HAPLN3: variants seen among roughly 807,000 people sequenced by gnomAD.
The protein encoded by HAPLN3 is hyaluronan and proteoglycan link protein 3.
HAPLN3 carries 28 observed loss-of-function variants against 28.1 expected under a neutral mutation model. The ratio of observed to expected loss-of-function variants is 1.00; its 90% CI spans 0.74 to 1.37. The LOEUF (loss-of-function observed/expected upper bound fraction) is 1.37, where lower values mean the gene tolerates loss of function less well. Ranked by LOEUF, HAPLN3 falls within the 40% of genes most tolerant of loss-of-function variation. The pLI is 0.00. For synonymous variants in HAPLN3, 211 were observed against 213.1 expected (o/e 0.99, Z 0.09); for missense variants, 513 against 504.6 (o/e 1.02, Z -0.16).
At chr15:88,887,485 G>A (rs1016755661) in intron 1 of HAPLN3, 140 bp from the exon 2 acceptor site, 47 of 772,608 alleles carry the variant, frequency 6.1e-5, no homozygotes, top group Middle Eastern at 7.5e-4. Flanking sequence ...CGCTGTTCCC[G>A]GAGCTGAGAA....
At chr15:88,886,751 G>A (rs1897867236) in intron 2 of HAPLN3, among the ~76,000 whole-genome samples, 1 of 152,164 alleles carries the variant, frequency 6.6e-6, no homozygotes. Context: ...CTTGAACCCG[G>A]GAGGCAGAGG....
In HAPLN3 at chr15:88,881,770, C is replaced by G; in HGVS notation, c.125-45G>C. ...GCAGATGAGACCTGCTGAAGCACAT[C>G]TGTACCCCTGCAAGGGCCACCGCAC... On this transcript the variant is annotated intron_variant, in intron 2 of 4. Coordinates refer to ENST00000359595, the MANE Select transcript of HAPLN3 (RefSeq NM_178232.4). The surrounding 1 kb of genome is among the most constrained non-coding windows in gnomAD (Gnocchi z 6.0). 1 of 1,561,604 alleles carries G rather than the reference C, an allele frequency of 6.4e-7. No individual in the cohort carries two copies. The highest frequency in any genetic ancestry group is 8.7e-7 in the Non-Finnish European group (1 of 1,151,444).
At position 88,881,755 on chromosome 15, in the gene HAPLN3, C is replaced by T; in HGVS notation, c.125-30G>A. 1 of 1,581,264 alleles carries T rather than the reference C, an allele frequency of 6.3e-7. No homozygotes were observed. The highest frequency in any genetic ancestry group is 1.8e-4 in the Middle Eastern group (1 of 5,440). On this transcript the variant is annotated intron_variant, in intron 2 of 4. Transcript: ENST00000359595. This position sits in a 1 kb window ranked among gnomAD's most constrained non-coding sequence, Gnocchi z 6.0. ...GGGGAGAGACAGGGTGCAGATGAGA[C>T]CTGCTGAAGCACATCTGTACCCCTG... is the stretch of plus-strand genomic sequence containing the variant.
chr15:88,880,555 A>G lies in HAPLN3; in HGVS notation c.493+802T>C. The G allele has an allele frequency of 7.8e-7, 1 of 1,288,532 alleles. No homozygotes were observed. The highest frequency in any genetic ancestry group is 1.2e-5 in the South Asian group (1 of 80,976). 79.8% of individuals were successfully genotyped at this position (1,288,532 alleles called of 1,614,324 possible). A position where few individuals can be genotyped will look rare whatever the true frequency, so the allele number is the denominator to read the frequency against. ...GGCTAAAGTCAGGTCACCTTCCTCT[A>G]TCCCCGAACTGCCTCCCTAACATGT... On this transcript the variant is annotated intron_variant, in intron 3 of 4. Transcript: ENST00000359595. The surrounding 1 kb of genome is among the most constrained non-coding windows in gnomAD (Gnocchi z 6.0).
Position 88,879,553 on chromosome 15 carries a change from G to A in HAPLN3, c.494-284C>T, listed in dbSNP as rs911274655. On this transcript the variant is annotated intron_variant, in intron 3 of 4. Transcript: ENST00000359595. The surrounding 1 kb of genome is among the most constrained non-coding windows in gnomAD (Gnocchi z 5.0). ...CCCCAACCTAATCCGCAAGGCTGTCGCCAGACCCCCAGTGAGGCTGTGCCA... is the reference window on the plus strand; with the variant it reads ...CCCCAACCTAATCCGCAAGGCTGTCACCAGACCCCCAGTGAGGCTGTGCCA... 1.5e-5 allele frequency: 21 copies of A among 1,421,644 alleles called. No homozygotes were observed. The East Asian group carries it at 4.9e-4, about 33-fold the overall frequency. The allele number at this position is 1,421,644 out of a possible 1,614,324, so 88.1% of individuals were successfully genotyped here. A position where few individuals can be genotyped will look rare whatever the true frequency, so the allele number is the denominator to read the frequency against.
At position 88,878,366 on chromosome 15, in the gene HAPLN3, C is replaced by CA. The variant is rs1323022740; in HGVS notation, c.797-111dup. 9.0e-6 allele frequency: 9 copies of CA among 995,210 alleles called. No individual in the cohort carries two copies. The East Asian group carries it at 2.2e-4, about 24-fold the overall frequency. The allele number at this position is 995,210 out of a possible 1,614,324, so 61.6% of individuals were successfully genotyped here. Reference sequence around the variant, plus strand: ...GACCCGTCTGAGCCCAGGGAGCTACCATACTGCAGGCATCTGCAGAGAACA... The same window carrying CA: ...GACCCGTCTGAGCCCAGGGAGCTACCAATACTGCAGGCATCTGCAGAGAACA... On this transcript the variant is annotated intron_variant, in intron 4 of 4. Transcript: ENST00000359595.
rs545619979 is a variant in HAPLN3 at position 88,877,836 on chromosome 15, T to TA, written c.*133dup. ...GTTCTGTTTGCTTTACAAAAAATAG[T>TA]AAAAAAATGTTTAAAGAAAATTTAA... is the stretch of plus-strand genomic sequence containing the variant. On this transcript the variant is annotated 3_prime_UTR_variant, in exon 5 of 5. Coordinates refer to ENST00000359595, the MANE Select transcript of HAPLN3 (RefSeq NM_178232.4). This position sits in a 1 kb window ranked among gnomAD's most constrained non-coding sequence, Gnocchi z 5.1. 1.8e-5 allele frequency: 17 copies of TA among 927,056 alleles called. No homozygotes were observed. Among genetic ancestry groups the TA allele is most frequent in the East Asian group, 5.4e-5 (2 of 36,852 alleles). The allele number at this position is 927,056 out of a possible 1,614,324, so 57.4% of individuals were successfully genotyped here. A position where few individuals can be genotyped will look rare whatever the true frequency, so the allele number is the denominator to read the frequency against.
intron 2 of HAPLN3, among the ~76,000 whole-genome samples, chr15:88,886,801 G>A (rs909449666): frequency 2.0e-5 from 3 of 152,170 alleles, no homozygotes; most frequent in Admixed American, 6.5e-5. Context: ...CTCCAGCCTC[G>A]GCAACAGAGT....
rs746814116 is a variant in HAPLN3, at chr15:88,878,178, G to A, written c.875C>T (p.Thr292Met). 1.6e-5 allele frequency: 26 copies of A among 1,614,056 alleles called. No individual in the cohort carries two copies. The highest frequency in any genetic ancestry group is 1.3e-4 in the African/African-American group (10 of 74,940). ...AAAGAGCTGTCCCACCTTGGCGATCGTGGCATCATCTTCCTGGCAGGCCTC... is the reference window on the plus strand; with the variant it reads ...AAAGAGCTGTCCCACCTTGGCGATCATGGCATCATCTTCCTGGCAGGCCTC... ...AREACQEDDA[T>M]IAKVGQLFAA... The change falls in exon 5 of 5, where the codon ACG becomes ATG. Residue 292 changes from threonine (T) to methionine (M), a missense_variant. Coordinates refer to ENST00000359595, the MANE Select transcript of HAPLN3 (RefSeq NM_178232.4).
intron 1 of HAPLN3, chr15:88,893,038 T>A: frequency 7.0e-7 from 1 of 1,424,962 alleles, no homozygotes; most frequent in Non-Finnish European, 9.5e-7. Flanking sequence ...CTGGGCTCGG[T>A]ATTGGAGCTG....
intron 1 of HAPLN3, among the ~76,000 whole-genome samples, chr15:88,894,425 A>G (rs994737865): frequency 3.3e-5 from 5 of 152,130 alleles, no homozygotes; most frequent in African/African-American, 1.2e-4. Context: ...TTCCGTGAGT[A>G]CAAGTCCCCC....
rs543137166 is a variant in HAPLN3 at position 88,895,080 on chromosome 15, G to A, written c.-48+379C>T. ...ACCCAGGGGCAGGGCCTGGGGCGCC[G>A]CGGACGGCACTGGAGGCAGCCGACC... On this transcript the variant is annotated intron_variant, in intron 1 of 4. Transcript: ENST00000359595. This position sits in a 1 kb window ranked among gnomAD's most constrained non-coding sequence, Gnocchi z 5.5. Among the ~76,000 whole-genome samples, 3 of 152,338 alleles carry A rather than the reference G, an allele frequency of 2.0e-5. No individual in the cohort carries two copies. The highest frequency in any genetic ancestry group is 2.1e-4 in the South Asian group (1 of 4,830).
At position 88,877,650 on chromosome 15, in the gene HAPLN3, T is replaced by C. The variant is rs1897563389; in HGVS notation, c.*320A>G. 4 of 276,026 alleles carry C rather than the reference T, an allele frequency of 1.4e-5. No individual in the cohort carries two copies. The highest frequency in any genetic ancestry group is 2.7e-5 in the Non-Finnish European group (4 of 147,248). The allele number at this position is 276,026 out of a possible 1,614,324, so 17.1% of individuals were successfully genotyped here. A position where few individuals can be genotyped will look rare whatever the true frequency, so the allele number is the denominator to read the frequency against. ...ACCATGCCCGGACTCCCGGCGGCAT[T>C]CTAGACAGGCCACCGCCCACTCTGG... On this transcript the variant is annotated 3_prime_UTR_variant, in exon 5 of 5. Coordinates refer to ENST00000359595, the MANE Select transcript of HAPLN3 (RefSeq NM_178232.4). The surrounding 1 kb of genome is among the most constrained non-coding windows in gnomAD (Gnocchi z 5.1).
At chr15:88,883,652 A>T (rs1321427859) in intron 2 of HAPLN3, among the ~76,000 whole-genome samples, 2 of 152,270 alleles carry the variant, frequency 1.3e-5, no homozygotes, top group Non-Finnish European at 2.9e-5. Flanking sequence ...GCCATGTAAA[A>T]TAATCTGGTA....
Position 88,878,184 on chromosome 15 carries a change from T to C in HAPLN3, c.869A>G (p.Asp290Gly). The part of the protein sequence containing the change: ...TEAREACQED[D>G]ATIAKVGQLF... ...CTGTCCCACCTTGGCGATCGTGGCATCATCTTCCTGGCAGGCCTCCCTTGC... is the reference window on the plus strand; with the variant it reads ...CTGTCCCACCTTGGCGATCGTGGCACCATCTTCCTGGCAGGCCTCCCTTGC... Residue 290 changes from aspartate to glycine, a missense_variant, in exon 5 of 5, where the codon GAT becomes GGT. Coordinates refer to ENST00000359595, the MANE Select transcript of HAPLN3 (RefSeq NM_178232.4). The C allele has an allele frequency of 6.2e-7, 1 of 1,614,168 alleles. No individual in the cohort carries two copies. Among genetic ancestry groups the C allele is most frequent in the Non-Finnish European group, 8.5e-7 (1 of 1,180,014 alleles).
chr15:88,881,710 AC>A lies in HAPLN3; in HGVS notation c.139del (p.Val47Ter). 1 of 1,611,498 alleles carries A rather than the reference AC, an allele frequency of 6.2e-7. No homozygotes were observed. The highest frequency in any genetic ancestry group is 8.5e-7 in the Non-Finnish European group (1 of 1,178,938). On this transcript the variant is annotated frameshift_variant, in exon 3 of 5. Coordinates refer to ENST00000359595, the MANE Select transcript of HAPLN3 (RefSeq NM_178232.4). LOFTEE classifies it high-confidence loss of function. The surrounding 1 kb of genome is among the most constrained non-coding windows in gnomAD (Gnocchi z 6.0). ...CTCGGGTGTCTCCACCACCAGCTTC[AC>A]TCCATTAAGGAGGTCTTGGGGGAGA... Reference protein sequence around the residue: ...NGHGKDLLNGVKLVVETPEET... With the variant: ...NGHGKDLLNGXKLVVETPEET...
In HAPLN3 at chr15:88,879,814, T is replaced by A. The variant is rs953203478; in HGVS notation, c.494-545A>T. Reference sequence around the variant, plus strand: ...TAAAGGAGGCTCAAGGGCAGGGAGGTCTGGGGCAGGCGGTTTCTCTCCTTG... The same window carrying A: ...TAAAGGAGGCTCAAGGGCAGGGAGGACTGGGGCAGGCGGTTTCTCTCCTTG... On this transcript the variant is annotated intron_variant, in intron 3 of 4. Coordinates refer to ENST00000359595, the MANE Select transcript of HAPLN3 (RefSeq NM_178232.4). The surrounding 1 kb of genome is among the most constrained non-coding windows in gnomAD (Gnocchi z 5.0). 1.0e-5 allele frequency: 11 copies of A among 1,080,362 alleles called. No homozygotes were observed. Among genetic ancestry groups the A allele is most frequent in the African/African-American group, 1.7e-5 (1 of 59,896 alleles). The allele number at this position is 1,080,362 out of a possible 1,614,324, so 66.9% of individuals were successfully genotyped here. A position where few individuals can be genotyped will look rare whatever the true frequency, so the allele number is the denominator to read the frequency against.
chr15:88,886,631 C>T (rs1897863409), intron 2 of HAPLN3, among the ~76,000 whole-genome samples: 1 of 151,990 alleles, frequency 6.6e-6, no homozygotes, highest in Non-Finnish European at 1.5e-5. Flanking sequence ...TCAAGACCAG[C>T]CTGGCCAACA....
chr15:88,884,292 C>T (rs867271015), intron 2 of HAPLN3, among the ~76,000 whole-genome samples: 6 of 152,104 alleles, frequency 3.9e-5, no homozygotes, highest in East Asian at 1.9e-4. Context: ...AGGCCGGGCA[C>T]GGTGGCTCAC....
Sources: gnomAD v4.1 joint callset for allele counts (sites outside exome capture counted in the v4.1 genomes callset) on GRCh38, gnomAD v4.1.1 for gene constraint, Gnocchi (gnomAD v3.1) non-coding constraint, MANE v1.5 for transcripts, NCBI Gene and HGNC (gene_info 2026-07-23, HGNC 2026-07-21) for gene names.